Variants in SLC14A2 observed in about 807,000 individuals in gnomAD.
SLC14A2 encodes the protein solute carrier family 14 member 2, also known as urea transporter 2.
A neutral mutation model predicts 104.6 loss-of-function variants in SLC14A2; 91 were observed. The ratio of observed to expected loss-of-function variants is 0.87; its 90% confidence interval spans 0.73 to 1.04. The LOEUF is 1.04. Among genes scored for constraint, SLC14A2 ranks in the 50% least tolerant of loss-of-function variants. The pLI is 0.00. For synonymous variants in SLC14A2, 476 were observed against 466.4 expected (o/e 1.02, Z -0.27); for missense variants, 1,189 against 1,156.0 (o/e 1.03, Z -0.41).
At chr18:45,257,744 T>C (rs932055216) in intron 1 of SLC14A2, among the ~76,000 whole-genome samples, 1 of 152,182 alleles carries the variant, frequency 6.6e-6, no homozygotes, top group African/African-American at 2.4e-5. Flanking sequence ...TGGTGTTAAG[T>C]AGGACCCAAG....
At chr18:45,330,088 T>G (rs1299427488) in intron 1 of SLC14A2, among the ~76,000 whole-genome samples, 3 of 152,140 alleles carry the variant, frequency 2.0e-5, no homozygotes, top group Non-Finnish European at 4.4e-5. Flanking sequence ...TTAAATAATT[T>G]TGGATTTCAG....
chr18:45,612,169 C>T (rs191009748), upstream of SLC14A2, among the ~76,000 whole-genome samples: 129 of 152,312 alleles, frequency 8.5e-4, no homozygotes, highest in African/African-American at 2.9e-3. Context: ...CTGCTGCTCC[C>T]AGCCTCCATT....
intron 16 of SLC14A2, among the ~76,000 whole-genome samples, chr18:45,672,516 C>A (rs537429584): frequency 1.4e-5 from 2 of 147,998 alleles, no homozygotes; most frequent in Admixed American, 6.7e-5. Flanking sequence ...GCAACAAGAG[C>A]GAAACTCCAT....
chr18:45,622,713 A>C (rs901395202), intron 1 of SLC14A2, among the ~76,000 whole-genome samples: 11 of 152,140 alleles, frequency 7.2e-5, no homozygotes, highest in Non-Finnish European at 1.3e-4. Flanking sequence ...ACGGCCAAAG[A>C]GTGTGTCAAA....
intron 6 of SLC14A2, among the ~76,000 whole-genome samples, chr18:45,639,129 G>C (rs570839273): frequency 2.6e-5 from 4 of 152,166 alleles, no homozygotes; most frequent in Non-Finnish European, 5.9e-5. Flanking sequence ...CGAGAGCAGG[G>C]GGCATGCCTA....
At chr18:45,399,545 C>A (rs1479578465) in intron 1 of SLC14A2, among the ~76,000 whole-genome samples, 1 of 152,176 alleles carries the variant, frequency 6.6e-6, no homozygotes, top group Non-Finnish European at 1.5e-5. Flanking sequence ...ACTTTGCTTG[C>A]CTTCTCCTTG....
chr18:45,670,616 A>G (rs1021681904), intron 16 of SLC14A2, among the ~76,000 whole-genome samples: 5 of 152,146 alleles, frequency 3.3e-5, no homozygotes, highest in Non-Finnish European at 7.3e-5. Flanking sequence ...CTGAATTTAC[A>G]CTGAGAAGCA....
In SLC14A2 at chr18:45,512,038, G is replaced by T. The variant is rs931500262; in HGVS notation, c.-35+28716G>T. On this transcript the variant is annotated intron_variant, in intron 2 of 20. Coordinates refer to the SLC14A2 transcript ENST00000586448. ...CTCTCAGGGAAGGAACCTAGGCAGA[G>T]CCCAGGCAAACAGACTAAAGTTTGA... 2.0e-5 allele frequency among the ~76,000 whole-genome samples: 3 copies of T among 152,202 alleles called. No individual in the cohort carries two copies. In the South Asian group the frequency reaches 6.2e-4, roughly 32 times the overall value.
intron 10 of SLC14A2, among the ~76,000 whole-genome samples, chr18:45,645,071 G>A (rs1337506368): frequency 5.9e-5 from 9 of 152,064 alleles, no homozygotes; most frequent in Non-Finnish European, 1.0e-4. Context: ...CTGTGTCCAC[G>A]TGTTCTCACT....
chr18:45,673,091 G>A (rs184515532), intron 17 of SLC14A2, 44 bp downstream of exon 17: 678 of 1,583,650 alleles, frequency 4.3e-4, no homozygotes, highest in Non-Finnish European at 5.6e-4. Context: ...GTTAGAGCCT[G>A]GGGCCAGCTC....
intron 1 of SLC14A2, among the ~76,000 whole-genome samples, chr18:45,385,457 G>A (rs1217498419): frequency 8.5e-5 from 13 of 152,228 alleles, no homozygotes; most frequent in Admixed American, 8.5e-4. Flanking sequence ...GAACTGAGCA[G>A]AGGAGAGAGG....
chr18:45,315,399 G>A (rs1440562233), intron 1 of SLC14A2, among the ~76,000 whole-genome samples: 1 of 152,116 alleles, frequency 6.6e-6, no homozygotes, highest in Non-Finnish European at 1.5e-5. Context: ...GGAGGGTGGG[G>A]GAGAAAAGAA....
In SLC14A2 at chr18:45,627,088, C is replaced by A; in HGVS notation, c.462C>A (p.Ile154=). The change falls in exon 4 of 20, where the codon ATC becomes ATA. Residue 154 remains isoleucine (I), a synonymous_variant. Coordinates refer to ENST00000255226, the MANE Select transcript of SLC14A2 (RefSeq NM_007163.4). ...TGATCCAGAATCCCTGGTGGACAAT[C>A]ACTGGGGGCCTGGGGACAGTGGTCT... ...GLLIQNPWWT[I]TGGLGTVVST... 1 of 1,614,070 alleles carries A rather than the reference C, an allele frequency of 6.2e-7. No individual in the cohort carries two copies. The highest frequency in any genetic ancestry group is 8.5e-7 in the Non-Finnish European group (1 of 1,180,018).
At chr18:45,594,261 G>T (rs1422822084) in intron 2 of SLC14A2, among the ~76,000 whole-genome samples, 1 of 152,230 alleles carries the variant, frequency 6.6e-6, no homozygotes, top group Non-Finnish European at 1.5e-5. Flanking sequence ...GTACCAGGAT[G>T]CAGAGTATTA....
At chr18:45,346,142 C>T (rs2085445682) in intron 1 of SLC14A2, among the ~76,000 whole-genome samples, 1 of 152,160 alleles carries the variant, frequency 6.6e-6, no homozygotes, top group Non-Finnish European at 1.5e-5. Context: ...TGTTTTGTCT[C>T]CTTTTCTACT....
chr18:45,237,806 G>T lies in SLC14A2; in HGVS notation c.-125+24615G>T, dbSNP rs190498492. 1.2e-4 allele frequency among the ~76,000 whole-genome samples: 18 copies of T among 152,292 alleles called. No homozygotes were observed. The South Asian group carries it at 3.3e-3, about 28-fold the overall frequency. On this transcript the variant is annotated intron_variant, in intron 1 of 20. Transcript: ENST00000586448. ...ACAGTAAGACCAGGGGCACCTTAAG[G>T]TTTCAGCAGAGTCTGCAGGGCCCCT...
chr18:45,231,944 C>A (rs12455422), intron 1 of SLC14A2, among the ~76,000 whole-genome samples: 25,466 of 151,930 alleles, frequency 0.17, 2,179 homozygotes, highest in Middle Eastern at 0.19. Context: ...ACAGGCTGCT[C>A]TGGGAAGAAG....
chr18:45,303,992 A>G (rs2084992724), intron 1 of SLC14A2, among the ~76,000 whole-genome samples: 1 of 152,178 alleles, frequency 6.6e-6, no homozygotes. Context: ...TAATTATTCG[A>G]CAACCCAACT....
chr18:45,414,938 G>A lies in SLC14A2; in HGVS notation c.-124-68295G>A, dbSNP rs552153289. Among the ~76,000 whole-genome samples, 43 of 151,390 alleles carry A rather than the reference G, an allele frequency of 2.8e-4. No homozygotes were observed. The East Asian group carries it at 5.4e-3, about 19-fold the overall frequency. ...TGTTAATTTATTTTCAGCAGAGTCC[G>A]ATCAGCTTCTTTGCATGAAAGTCTA... On this transcript the variant is annotated intron_variant, in intron 1 of 20. Coordinates refer to the SLC14A2 transcript ENST00000586448.
Sources: gnomAD v4.1 joint callset for allele counts (sites outside exome capture counted in the v4.1 genomes callset) on GRCh38, gnomAD v4.1.1 for gene constraint, MANE v1.5 for transcripts, NCBI Gene and HGNC (gene_info 2026-07-23, HGNC 2026-07-21) for gene names.